FCRL5: variants seen among roughly 807,000 people sequenced by gnomAD.
FCRL5 encodes the protein Fc receptor like 5, also known as Fc receptor-like protein 5.
Under a neutral mutation model 92.1 loss-of-function variants are expected in FCRL5, and 79 were observed. The ratio of observed to expected loss-of-function variants is 0.86; its 90% CI spans 0.72 to 1.03. The LOEUF (loss-of-function observed/expected upper bound fraction) is 1.03, where lower values mean the gene tolerates loss of function less well. FCRL5 is among the 50% of genes least tolerant of loss of function. The pLI is 0.00. For synonymous variants in FCRL5, 466 were observed against 469.3 expected (o/e 0.99, Z 0.09); for missense variants, 1,160 against 1,181.1 (o/e 0.98, Z 0.26).
At chr1:157,533,152 C>T (rs1294054937) in intron 8 of FCRL5, 3 of 152,082 alleles carry the variant, frequency 2.0e-5, no homozygotes, top group East Asian at 3.9e-4. Context: ...AAGTCAATAA[C>T]GTCATCAACA....
At position 157,515,587 on chromosome 1, in the gene FCRL5, C is replaced by T; in HGVS notation, c.*88G>A. The T allele has an allele frequency of 1.2e-6, 2 of 1,613,064 alleles. No homozygotes were observed. ...GCCAGTAGATATGGTCTGGGGCAGC[C>T]TAAATCTTCCCACTTCAATGCTGCT... On this transcript the variant is annotated 3_prime_UTR_variant, in exon 17 of 17. Transcript: ENST00000361835.
rs373102783 is a variant in FCRL5, at chr1:157,527,866, T to A, written c.1711A>T (p.Arg571Trp). 1 of 1,603,542 alleles carries A rather than the reference T, an allele frequency of 6.2e-7. No homozygotes were observed. The highest frequency in any genetic ancestry group is 1.3e-5 in the African/African-American group (1 of 74,638). ...ACCACAGCCTGGGCCCTGGGAACCC[T>A]GAGGGTGAGGATGGGGCGAGACACT... ...VPVSRPILTL[R>W]VPRAQAVVGD... The change falls in exon 9 of 17, where the codon AGG becomes TGG. Residue 571 changes from arginine (R) to tryptophan (W), a missense_variant. By Grantham distance (101) the Arg-to-Trp change is moderately radical. Coordinates refer to ENST00000361835, the MANE Select transcript of FCRL5 (RefSeq NM_031281.3).
chr1:157,526,868 T>C (rs1650452021), intron 9 of FCRL5, among the ~76,000 whole-genome samples: 1 of 152,126 alleles, frequency 6.6e-6, no homozygotes, highest in Non-Finnish European at 1.5e-5. Context: ...CTTAAAATTG[T>C]CCTTTTGGAG....
intron 11 of FCRL5, 103 bp downstream of exon 11, chr1:157,520,914 C>T (rs1285830696): frequency 1.5e-6 from 2 of 1,312,864 alleles, no homozygotes; most frequent in Non-Finnish European, 2.1e-6. Context: ...TGTGTTACTT[C>T]GCCCTGAGGA....
In FCRL5 at chr1:157,544,284, C is replaced by T. The variant is rs753691070; in HGVS notation, c.822G>A (p.Pro274=). Residue 274 remains proline, a synonymous_variant, in exon 5 of 17, where the codon CCG becomes CCA. Coordinates refer to ENST00000361835, the MANE Select transcript of FCRL5 (RefSeq NM_031281.3). ...TACTCTGCACCTGTATCCAGGATCT[C>T]GGGCTGTCAGATATGACGCTGTAAG... is the stretch of plus-strand genomic sequence containing the variant. ...TMPYSVISDS[P]RSWIQVQIPA... The T allele has an allele frequency of 3.8e-5, 62 of 1,614,036 alleles. No individual in the cohort carries two copies. Among genetic ancestry groups the T allele is most frequent in the Non-Finnish European group, 4.6e-5 (54 of 1,180,010 alleles).
chr1:157,523,084 C>T (rs1367193671), intron 10 of FCRL5, among the ~76,000 whole-genome samples: 1 of 152,192 alleles, frequency 6.6e-6, no homozygotes, highest in Non-Finnish European at 1.5e-5. Context: ...GTTGCACTGG[C>T]TACTTTGTGA....
At chr1:157,546,783 T>C (rs867404208) in intron 3 of FCRL5, among the ~76,000 whole-genome samples, 160 bp downstream of exon 3, 1 of 152,212 alleles carries the variant, frequency 6.6e-6, no homozygotes, top group South Asian at 2.1e-4. Flanking sequence ...CCATTCCCTG[T>C]CTGGTTGTAT....
At chr1:157,537,268 G>C (rs886556718) in intron 7 of FCRL5, among the ~76,000 whole-genome samples, 4 of 152,206 alleles carry the variant, frequency 2.6e-5, no homozygotes, top group Admixed American at 6.5e-5. Flanking sequence ...CCCTGAGAAA[G>C]AGAATATGTC....
In FCRL5 at chr1:157,521,998, T is replaced by C. The variant is rs938017055; in HGVS notation, c.2240-706A>G. On this transcript the variant is annotated intron_variant, in intron 10 of 16. Coordinates refer to ENST00000361835, the MANE Select transcript of FCRL5 (RefSeq NM_031281.3). Reference sequence around the variant, plus strand: ...ACCTACTGGATTGGGTAATGAAACATGAATGATATCCAAGATGCATTTCTT... The same window carrying C: ...ACCTACTGGATTGGGTAATGAAACACGAATGATATCCAAGATGCATTTCTT... 2.6e-5 allele frequency: 4 copies of C among 152,322 alleles called. No individual in the cohort carries two copies. The East Asian group carries it at 5.8e-4, about 22-fold the overall frequency. The allele number at this position is 152,322 out of a possible 1,614,324, so 9.4% of individuals were successfully genotyped here. A position where few individuals can be genotyped will look rare whatever the true frequency, so the allele number is the denominator to read the frequency against.
intron 8 of FCRL5, among the ~76,000 whole-genome samples, chr1:157,528,955 T>C (rs1268465905): frequency 6.6e-6 from 1 of 152,100 alleles, no homozygotes; most frequent in African/African-American, 2.4e-5. Flanking sequence ...CAATAATAAA[T>C]AGATGGGTCT....
chr1:157,525,648 C>A (rs72706335), intron 9 of FCRL5, among the ~76,000 whole-genome samples: 4 of 152,054 alleles, frequency 2.6e-5, no homozygotes, highest in Admixed American at 1.3e-4. Flanking sequence ...CTGCAGTAGT[C>A]AAAATGATGG....
At chr1:157,522,417 T>C (rs1650241055) in intron 10 of FCRL5, 1 of 152,248 alleles carries the variant, frequency 6.6e-6, no homozygotes, top group Non-Finnish European at 1.5e-5. Context: ...GGCTTTACCC[T>C]GGCTAGCTGT....
At chr1:157,544,578 A>C in intron 4 of FCRL5, 32 bp from the exon 5 acceptor site, 1 of 1,605,886 alleles carries the variant, frequency 6.2e-7, no homozygotes, top group South Asian at 1.1e-5. Context: ...GTCCCAGAGC[A>C]ATGAGGCTGG....
chr1:157,530,608 C>G (rs2101616412), intron 8 of FCRL5, among the ~76,000 whole-genome samples: 1 of 152,348 alleles, frequency 6.6e-6, no homozygotes, highest in Admixed American at 6.5e-5. Context: ...GATCTGCCCG[C>G]CTCGGCCTCC....
At chr1:157,529,629 A>G (rs1211148345) in intron 8 of FCRL5, among the ~76,000 whole-genome samples, 1 of 152,072 alleles carries the variant, frequency 6.6e-6, no homozygotes, top group Admixed American at 6.5e-5. Flanking sequence ...ACTATGGAAT[A>G]CTACTCAGCC....
In FCRL5 at chr1:157,515,346, C is replaced by A. The variant is rs948708133; in HGVS notation, c.*329G>T. The A allele has an allele frequency of 3.1e-6, 1 of 326,920 alleles. No individual in the cohort carries two copies. The allele number at this position is 326,920 out of a possible 1,614,324, so 20.3% of individuals were successfully genotyped here. On this transcript the variant is annotated 3_prime_UTR_variant, in exon 17 of 17. Coordinates refer to ENST00000361835, the MANE Select transcript of FCRL5 (RefSeq NM_031281.3). ...CCCACTCTCCCTTTGTGTGGTAAGACCCCCTCTGTGGGGGTGTGATGAGAG... is the reference window on the plus strand; with the variant it reads ...CCCACTCTCCCTTTGTGTGGTAAGAACCCCTCTGTGGGGGTGTGATGAGAG...
intron 10 of FCRL5, chr1:157,523,663 A>ATC (rs1281315795): frequency 1.3e-5 from 2 of 152,324 alleles, no homozygotes; most frequent in Non-Finnish European, 2.9e-5. Context: ...GAAAGAGATC[A>ATC]AAGAACAGCT....
At position 157,524,404 on chromosome 1, in the gene FCRL5, G is replaced by T; in HGVS notation, c.2114C>A (p.Ala705Asp). 1 of 1,614,226 alleles carries T rather than the reference G, an allele frequency of 6.2e-7. No individual in the cohort carries two copies. Among genetic ancestry groups the T allele is most frequent in the Non-Finnish European group, 8.5e-7 (1 of 1,180,038 alleles). Residue 705 changes from alanine to aspartate, a missense_variant, in exon 10 of 17, where the codon GCC (alanine) becomes GAC (aspartate). Coordinates refer to ENST00000361835, the MANE Select transcript of FCRL5 (RefSeq NM_031281.3). ...HEDVTLGKIS[A>D]PSGGGASFNL... ...GAAGGAGGCCCCTCCTCCAGAGGGGGCTGAGATCTTACCCAGGGTGACATC... is the reference window on the plus strand; with the variant it reads ...GAAGGAGGCCCCTCCTCCAGAGGGGTCTGAGATCTTACCCAGGGTGACATC...
intron 15 of FCRL5, 107 bp from the exon 16 acceptor site, chr1:157,515,980 C>A: frequency 8.2e-7 from 1 of 1,223,166 alleles, no homozygotes; most frequent in Non-Finnish European, 1.2e-6. Context: ...CGCTCTCCCT[C>A]TGTGCGGTGA....
Sources: allele counts gnomAD v4.1 joint callset (sites outside exome capture counted in the v4.1 genomes callset), GRCh38; gene constraint gnomAD v4.1.1; transcripts MANE v1.5; gene names NCBI Gene and HGNC (gene_info 2026-07-23, HGNC 2026-07-21).